The following HERC3 variants were observed in gnomAD, a reference collection of about 807,000 sequenced individuals.
HERC3 encodes probable E3 ubiquitin-protein ligase HERC3.
A neutral mutation model predicts 129.9 loss-of-function variants in HERC3; 58 were observed. That is an observed-to-expected ratio of 0.45 (90% CI 0.36 to 0.56). HERC3 has a LOEUF of 0.56. Among genes scored for constraint, HERC3 ranks in the 20% least tolerant of loss-of-function variants. The pLI, the probability that HERC3 is intolerant of heterozygous loss-of-function variation, is 0.00. For missense variants in HERC3, 835 were observed against 1,244.2 expected (o/e 0.67, Z 4.95); for synonymous variants, 430 against 451.0 (o/e 0.95, Z 0.59).
chr4:88,671,953 T>C (rs1167271899), intron 16 of HERC3, among the ~76,000 whole-genome samples: 1 of 152,218 alleles, frequency 6.6e-6, no homozygotes, highest in East Asian at 1.9e-4. Context: ...AATAAGCCCT[T>C]CTGTTTTATC....
At chr4:88,656,327 C>A in intron 9 of HERC3, 1 of 357,488 alleles carries the variant, frequency 2.8e-6, no homozygotes, top group South Asian at 3.9e-5. Flanking sequence ...GCTCACAGTT[C>A]TGCAGGCTCT....
At chr4:88,693,007 T>G in intron 23 of HERC3, 2 of 977,710 alleles carry the variant, frequency 2.0e-6, no homozygotes, top group Non-Finnish European at 2.4e-6. Flanking sequence ...AATATACATA[T>G]GGAATGGAAT....
the HERC3 span, among the ~76,000 whole-genome samples, chr4:88,582,707 G>T: frequency 6.9e-4 from 105 of 152,276 alleles, no homozygotes; most frequent in African/African-American, 2.5e-3. Flanking sequence ...TAACCTGAGA[G>T]ACTTTATTTA....
chr4:88,619,813 C>T (rs939687985), intron 3 of HERC3, among the ~76,000 whole-genome samples: 17 of 152,130 alleles, frequency 1.1e-4, no homozygotes, highest in African/African-American at 3.9e-4. Flanking sequence ...GGAGTGCTTG[C>T]AAATGGCCAG....
intron 21 of HERC3, among the ~76,000 whole-genome samples, chr4:88,682,021 G>T (rs1732834753): frequency 6.6e-6 from 1 of 152,140 alleles, no homozygotes; most frequent in South Asian, 2.1e-4. Context: ...AATATGAAGG[G>T]CCAACTGTAT....
At chr4:88,616,013 A>G (rs1049941702) in intron 3 of HERC3, among the ~76,000 whole-genome samples, 5 of 152,246 alleles carry the variant, frequency 3.3e-5, no homozygotes, top group Admixed American at 6.5e-5. Context: ...ATATACATCT[A>G]TAAATTGTGT....
At chr4:88,656,764 C>T (rs1287055961) in intron 9 of HERC3, 1 of 152,318 alleles carries the variant, frequency 6.6e-6, no homozygotes, top group African/African-American at 2.4e-5. Context: ...AATGACGTTT[C>T]ATTACTATGC....
At chr4:88,530,947 T>C in the HERC3 span, among the ~76,000 whole-genome samples, 1 of 152,126 alleles carries the variant, frequency 6.6e-6, no homozygotes, top group Non-Finnish European at 1.5e-5. Flanking sequence ...CCTCCCAGGT[T>C]CAAGTGATTC....
chr4:88,690,934 C>T (rs138527241), intron 23 of HERC3, among the ~76,000 whole-genome samples: 5 of 152,196 alleles, frequency 3.3e-5, no homozygotes, highest in African/African-American at 1.2e-4. Context: ...TAAGCTGTAT[C>T]CAGATGCAAC....
At chr4:88,541,009 C>A in the HERC3 span, among the ~76,000 whole-genome samples, 1 of 152,148 alleles carries the variant, frequency 6.6e-6, no homozygotes, top group Non-Finnish European at 1.5e-5. Flanking sequence ...TAAAGACCAT[C>A]AATACTAGGA....
At chr4:88,697,724 C>T (rs1734791232) in intron 23 of HERC3, 6 of 1,611,200 alleles carry the variant, frequency 3.7e-6, no homozygotes, top group Non-Finnish European at 5.1e-6. Context: ...TGGCTAGGCT[C>T]CGCAGGCCCC....
rs1281543444 is a variant in HERC3 at position 88,592,777 on chromosome 4, G to C, written c.-88+203G>C. Among the ~76,000 whole-genome samples the C allele has an allele frequency of 1.6e-4, 25 of 151,910 alleles. 1 individual carries two copies. Among genetic ancestry groups the C allele is most frequent in the Admixed American group, 1.6e-3 (25 of 15,270 alleles). On this transcript the variant is annotated intron_variant, in intron 1 of 25. Coordinates refer to ENST00000402738, the MANE Select transcript of HERC3 (RefSeq NM_014606.3). ...GGGCGCGGGGAGGTTGGGGCGCGGC[G>C]CCCTTAGTACCCTGCGTACGCCTCC...
intron 2 of HERC3, among the ~76,000 whole-genome samples, chr4:88,602,358 C>T (rs1373149017): frequency 2.8e-5 from 4 of 143,278 alleles, no homozygotes; most frequent in Admixed American, 7.2e-5. Context: ...GCTGAGATTG[C>T]GCCACTGCAC....
intron 3 of HERC3, among the ~76,000 whole-genome samples, chr4:88,637,463 G>A (rs1396211637): frequency 1.3e-5 from 2 of 151,948 alleles, no homozygotes; most frequent in Non-Finnish European, 2.9e-5. Context: ...ACAACTACCT[G>A]GAAATTGAAC....
intron 1 of HERC3, among the ~76,000 whole-genome samples, chr4:88,592,834 G>C (rs1721860973): frequency 6.6e-6 from 1 of 152,118 alleles, no homozygotes; most frequent in Non-Finnish European, 1.5e-5. Context: ...CCTCCGGTCA[G>C]AGAGCCCCGC....
the HERC3 span, among the ~76,000 whole-genome samples, chr4:88,532,011 C>T: frequency 6.6e-6 from 1 of 152,140 alleles, no homozygotes; most frequent in Non-Finnish European, 1.5e-5. Flanking sequence ...ACACATAGTT[C>T]TGTATATTAA....
At chr4:88,704,056 C>T (rs748560825) in intron 23 of HERC3, 42 bp from the exon 24 acceptor site, 67 of 1,568,666 alleles carry the variant, frequency 4.3e-5, no homozygotes, top group Non-Finnish European at 7.0e-6. Context: ...ATAAGCTTTA[C>T]AAGACTTTGA....
At chr4:88,587,393 A>G in the HERC3 span, among the ~76,000 whole-genome samples, 1 of 152,236 alleles carries the variant, frequency 6.6e-6, no homozygotes, top group African/African-American at 2.4e-5. Flanking sequence ...AAAATGTTGT[A>G]TCAATGCACC....
chr4:88,588,077 A>G (rs973325357), upstream of HERC3, among the ~76,000 whole-genome samples: 4 of 152,252 alleles, frequency 2.6e-5, no homozygotes, highest in African/African-American at 9.6e-5. Flanking sequence ...ATACATTTTA[A>G]TTTATATGAA....
Sources: allele counts gnomAD v4.1 joint callset (sites outside exome capture counted in the v4.1 genomes callset), GRCh38; gene constraint gnomAD v4.1.1; transcripts MANE v1.5; gene names NCBI Gene and HGNC (gene_info 2026-07-23, HGNC 2026-07-21).